The following PPP1R1C variants were observed in gnomAD, a reference collection of about 807,000 sequenced individuals.
PPP1R1C encodes the protein protein phosphatase 1 regulatory inhibitor subunit 1C.
A neutral mutation model predicts 17.4 loss-of-function variants in PPP1R1C; 15 were observed. The observed-to-expected ratio is 0.86, with a 90% CI of 0.58 to 1.33. The LOEUF is 1.33. Ranked by LOEUF, PPP1R1C falls within the 40% of genes most tolerant of loss-of-function variation. The probability of loss-of-function intolerance (pLI) is 0.00; values close to 1 mark genes in which losing one functional copy is unlikely to be tolerated. For missense variants in PPP1R1C, 143 were observed against 130.0 expected (o/e 1.10, Z -0.48); for synonymous variants, 35 against 43.1 (o/e 0.81, Z 0.73).
upstream of PPP1R1C, among the ~76,000 whole-genome samples, chr2:181,982,804 C>T (rs1427335): frequency 0.028 from 4,241 of 152,184 alleles, 288 homozygotes; most frequent in Admixed American, 0.15. Context: ...AGTGTAAAAT[C>T]AGGAAGGCCT....
At chr2:182,035,756 C>G (rs889693414) in intron 2 of PPP1R1C, among the ~76,000 whole-genome samples, 3 of 152,126 alleles carry the variant, frequency 2.0e-5, no homozygotes, top group Non-Finnish European at 4.4e-5. Context: ...CTCAGCCATG[C>G]CTCCTGTGCA....
chr2:181,987,503 T>C (rs1685332635), intron 1 of PPP1R1C, among the ~76,000 whole-genome samples: 1 of 152,210 alleles, frequency 6.6e-6, no homozygotes, highest in Admixed American at 6.5e-5. Context: ...CCACCAATGT[T>C]ATGAGGCTCC....
chr2:181,969,716 C>T (rs1684970088), intron 1 of PPP1R1C, among the ~76,000 whole-genome samples: 2 of 152,276 alleles, frequency 1.3e-5, no homozygotes, highest in Admixed American at 1.3e-4. Context: ...CTCTCTCTAC[C>T]TTGCCTTACA....
intron 2 of PPP1R1C, among the ~76,000 whole-genome samples, chr2:182,044,365 C>A (rs1687280215): frequency 6.6e-6 from 1 of 152,116 alleles, no homozygotes; most frequent in Admixed American, 6.5e-5. Flanking sequence ...CTGAACTCAC[C>A]CCTGGCATTC....
chr2:182,099,974 A>G (rs185753516), intron 4 of PPP1R1C, among the ~76,000 whole-genome samples: 4 of 142,192 alleles, frequency 2.8e-5, no homozygotes, highest in African/African-American at 7.3e-5. Context: ...TAGGGAGACG[A>G]TTAGAGACTT....
At chr2:181,984,504 C>T (rs886454393), upstream of PPP1R1C, among the ~76,000 whole-genome samples, 10 of 152,048 alleles carry the variant, frequency 6.6e-5, no homozygotes, top group African/African-American at 2.4e-4. Context: ...TATAAATTTC[C>T]CTTCGACACT....
chr2:182,037,993 A>T (rs993570939), intron 2 of PPP1R1C, among the ~76,000 whole-genome samples: 2 of 152,024 alleles, frequency 1.3e-5, no homozygotes, highest in African/African-American at 4.8e-5. Context: ...TTGGGTTATA[A>T]TATTAATATA....
chr2:182,048,676 T>C (rs1207286370), intron 2 of PPP1R1C: 1 of 152,254 alleles, frequency 6.6e-6, no homozygotes, highest in African/African-American at 2.4e-5. Flanking sequence ...AATGATTGTA[T>C]TGAATTAGTA....
At chr2:182,048,124 T>A (rs922420678) in intron 2 of PPP1R1C, among the ~76,000 whole-genome samples, 1 of 152,234 alleles carries the variant, frequency 6.6e-6, no homozygotes, top group Non-Finnish European at 1.5e-5. Flanking sequence ...AAAATACAGC[T>A]GTGTGAATCT....
At chr2:182,126,732 A>G (rs1035980937) in intron 5 of PPP1R1C, among the ~76,000 whole-genome samples, 1 of 152,016 alleles carries the variant, frequency 6.6e-6, no homozygotes, top group Non-Finnish European at 1.5e-5. Flanking sequence ...TTTTGTGGAC[A>G]CAGACATTGT....
At chr2:182,117,082 C>A (rs1689605782) in intron 4 of PPP1R1C, 125 bp from the exon 5 acceptor site, 1 of 706,562 alleles carries the variant, frequency 1.4e-6, no homozygotes, top group African/African-American at 1.8e-5. Flanking sequence ...TGTTAAGATT[C>A]TTGGAGAAAA....
rs1559099896 is a variant in PPP1R1C at position 182,117,293 on chromosome 2, T to C, written c.328T>C (p.Ter110GlnextTer12). 1 of 1,550,030 alleles carries C rather than the reference T, an allele frequency of 6.5e-7. No homozygotes were observed. Among genetic ancestry groups the C allele is most frequent in the East Asian group, 2.4e-5 (1 of 41,268 alleles). Residue 110 changes from the stop codon to glutamine, a stop_lost, in exon 5 of 5, where the codon TAA becomes CAA. Transcript: ENST00000682840. ...TGAAAGAGAGGAGCAGCGGGACCAT[T>C]AATTACTGGTCTGCAGCAAGAAGGC... is the stretch of plus-strand genomic sequence containing the variant. ...TNEREEQRDH* is the reference protein window; with the variant it reads ...TNEREEQRDHQ
chr2:182,070,470 T>C (rs1254123802), intron 4 of PPP1R1C, among the ~76,000 whole-genome samples: 1 of 152,248 alleles, frequency 6.6e-6, no homozygotes, highest in African/African-American at 2.4e-5. Context: ...TTTGTCTTTC[T>C]TCTTAATAAT....
intron 2 of PPP1R1C, among the ~76,000 whole-genome samples, chr2:182,030,151 G>C (rs994577044): frequency 4.0e-5 from 6 of 149,888 alleles, no homozygotes; most frequent in African/African-American, 1.5e-4. Flanking sequence ...CTTTGCCTTT[G>C]GTTTGAATGT....
chr2:182,032,502 C>G (rs1686875489), intron 2 of PPP1R1C, among the ~76,000 whole-genome samples: 1 of 152,140 alleles, frequency 6.6e-6, no homozygotes, highest in African/African-American at 2.4e-5. Flanking sequence ...TTTTTGTTCA[C>G]TGGTATATTC....
rs188293821 is a variant in PPP1R1C at position 182,073,918 on chromosome 2, C to T, written c.241+10127C>T. ...CTGTGCAAAAAAGTTGGGATTGTAT[C>T]CCGAGACAATAGAGCACTTTTGGAT... On this transcript the variant is annotated intron_variant, in intron 4 of 4. Coordinates refer to ENST00000682840, the MANE Select transcript of PPP1R1C (RefSeq NM_001080545.3). Among the ~76,000 whole-genome samples the T allele has an allele frequency of 2.4e-4, 37 of 152,226 alleles. No individual in the cohort carries two copies. In the East Asian group the frequency reaches 6.0e-3, roughly 25 times the overall value.
At chr2:181,993,857 A>G (rs981318225) in intron 2 of PPP1R1C, among the ~76,000 whole-genome samples, 6 of 152,090 alleles carry the variant, frequency 3.9e-5, no homozygotes, top group African/African-American at 1.4e-4. Context: ...GGCTTGCTAC[A>G]TTGTAAGTTT....
chr2:181,991,902 G>A (rs1171613741), intron 2 of PPP1R1C, among the ~76,000 whole-genome samples: 2 of 152,040 alleles, frequency 1.3e-5, no homozygotes, highest in Non-Finnish European at 2.9e-5. Context: ...CTGCTTATGT[G>A]TAAATCCTCT....
intron 2 of PPP1R1C, among the ~76,000 whole-genome samples, chr2:182,024,504 G>A (rs1490829963): frequency 6.6e-6 from 1 of 151,684 alleles, no homozygotes; most frequent in East Asian, 1.9e-4. Flanking sequence ...TTACCTCTCG[G>A]TGAAGAAATA....
Sources: allele counts gnomAD v4.1 joint callset (sites outside exome capture counted in the v4.1 genomes callset), GRCh38; gene constraint gnomAD v4.1.1; transcripts MANE v1.5; gene names NCBI Gene and HGNC (gene_info 2026-07-23, HGNC 2026-07-21).